The following BAZ2B variants were observed in gnomAD, a reference collection of about 807,000 sequenced individuals.
BAZ2B encodes the protein bromodomain adjacent to zinc finger domain 2B, also known as bromodomain adjacent to zinc finger domain protein 2B.
Under a neutral mutation model 246.0 loss-of-function variants are expected in BAZ2B, and 91 were observed. The ratio of observed to expected loss-of-function variants is 0.37; its 90% CI spans 0.31 to 0.44. The LOEUF is 0.44. BAZ2B is among the 20% of genes least tolerant of loss of function. BAZ2B has a pLI of 1.00. For missense variants in BAZ2B, 2,332 were observed against 2,533.7 expected (o/e 0.92, Z 1.71); for synonymous variants, 855 against 860.0 (o/e 0.99, Z 0.10).
intron 1 of BAZ2B, among the ~76,000 whole-genome samples, chr2:159,588,191 G>C (rs1688479107): frequency 6.9e-6 from 1 of 144,690 alleles, no homozygotes; most frequent in Non-Finnish European, 1.5e-5. Flanking sequence ...CTTCAGCCTG[G>C]GTGACAGACC....
At chr2:159,640,989 C>G in the BAZ2B span, among the ~76,000 whole-genome samples, 1 of 133,244 alleles carries the variant, frequency 7.5e-6, no homozygotes, top group Admixed American at 8.5e-5. Flanking sequence ...AATTGACAAA[C>G]CTTTAGACAA....
At chr2:159,467,697 T>A (rs199660643) in intron 3 of BAZ2B, among the ~76,000 whole-genome samples, 3 of 151,620 alleles carry the variant, frequency 2.0e-5, no homozygotes, top group Admixed American at 6.6e-5. Context: ...CTGGTAATGG[T>A]GGAGTGAGGT....
intron 2 of BAZ2B, among the ~76,000 whole-genome samples, chr2:159,534,073 T>G (rs1025938253): frequency 2.0e-5 from 3 of 152,236 alleles, no homozygotes; most frequent in African/African-American, 7.2e-5. Context: ...CAATGATTCC[T>G]CATAATTTCA....
At chr2:159,444,960 A>G (rs2074012991) in intron 6 of BAZ2B, 1 of 152,252 alleles carries the variant, frequency 6.6e-6, no homozygotes, top group Non-Finnish European at 1.5e-5. Context: ...ATTGGAGCAG[A>G]CTAAATCCAC....
chr2:159,390,720 T>G (rs1576448150), intron 20 of BAZ2B, among the ~76,000 whole-genome samples: 1 of 152,110 alleles, frequency 6.6e-6, no homozygotes, highest in East Asian at 1.9e-4. Context: ...GAGTGTAGGC[T>G]GCAAGTTGAA....
At chr2:159,570,856 C>CT (rs1174970685) in intron 1 of BAZ2B, among the ~76,000 whole-genome samples, 1 of 151,964 alleles carries the variant, frequency 6.6e-6, no homozygotes, top group African/African-American at 2.4e-5. Context: ...TTAGCATTTT[C>CT]TTTTTTTGTT....
At chr2:159,495,003 T>C (rs1031155836) in intron 2 of BAZ2B, among the ~76,000 whole-genome samples, 3 of 152,118 alleles carry the variant, frequency 2.0e-5, no homozygotes, top group Non-Finnish European at 4.4e-5. Context: ...CATTAGAAGA[T>C]GGTATTATAT....
chr2:159,569,705 A>C (rs1683482428), intron 1 of BAZ2B, among the ~76,000 whole-genome samples: 1 of 152,108 alleles, frequency 6.6e-6, no homozygotes, highest in Non-Finnish European at 1.5e-5. Flanking sequence ...CACACCTGTA[A>C]TCCCAGCACC....
At chr2:159,676,647 G>GCACACACA in the BAZ2B span, among the ~76,000 whole-genome samples, 18,767 of 132,456 alleles carry the variant, frequency 0.14, 1,642 homozygotes, top group African/African-American at 0.23. Context: ...GTATCTAAAT[G>GCACACACA]CACACACACA....
Position 159,409,184 on chromosome 2 carries a change from G to A in BAZ2B, c.2677+3151C>T, listed in dbSNP as rs114248346. On this transcript the variant is annotated intron_variant, in intron 14 of 36. Coordinates refer to ENST00000392783, the MANE Select transcript of BAZ2B (RefSeq NM_013450.4). ...TTTCAGATAGAATTAGAGATATTTTGGATATAACTCATTTCTTTGATCCTA... is the reference window on the plus strand; with the variant it reads ...TTTCAGATAGAATTAGAGATATTTTAGATATAACTCATTTCTTTGATCCTA... 5.9e-3 allele frequency among the ~76,000 whole-genome samples: 896 copies of A among 151,950 alleles called. 5 individuals carry two copies. Among genetic ancestry groups the A allele is most frequent in the African/African-American group, 0.02 (839 of 41,440 alleles).
chr2:159,680,190 T>A, the BAZ2B span, among the ~76,000 whole-genome samples: 1 of 152,184 alleles, frequency 6.6e-6, no homozygotes, highest in Non-Finnish European at 1.5e-5. Flanking sequence ...GAAAAAAGTA[T>A]AATCTTACAA....
chr2:159,589,895 T>C (rs931627479), intron 1 of BAZ2B, among the ~76,000 whole-genome samples: 12 of 152,020 alleles, frequency 7.9e-5, no homozygotes, highest in African/African-American at 2.7e-4. Context: ...GATTTAAGGA[T>C]ACCCAGCAAG....
At chr2:159,557,917 C>T (rs976201570) in intron 1 of BAZ2B, among the ~76,000 whole-genome samples, 9 of 150,752 alleles carry the variant, frequency 6.0e-5, no homozygotes, top group African/African-American at 2.2e-4. Context: ...ATTTGGGAAG[C>T]TTAAAAAAAA....
At chr2:159,690,152 GT>G in the BAZ2B span, 1 of 477,856 alleles carries the variant, frequency 2.1e-6, no homozygotes, top group Non-Finnish European at 3.8e-6. Flanking sequence ...ATCAGATGCA[GT>G]TTTGGTTCCT....
chr2:159,636,995 A>G, the BAZ2B span, among the ~76,000 whole-genome samples: 1 of 152,168 alleles, frequency 6.6e-6, no homozygotes, highest in Non-Finnish European at 1.5e-5. Flanking sequence ...GGGAAGATTC[A>G]TCACCTGCTG....
Position 159,436,405 on chromosome 2 carries a change from T to C in BAZ2B, c.1293+1898A>G, listed in dbSNP as rs369007220. On this transcript the variant is annotated intron_variant, in intron 8 of 36. Coordinates refer to ENST00000392783, the MANE Select transcript of BAZ2B (RefSeq NM_013450.4). ...TCAGGAGTGATGTGTAAAAAGGAGA[T>C]GGAGAGAAAATTGAGACCTGTATAG... Among the ~76,000 whole-genome samples, 13 of 152,284 alleles carry C rather than the reference T, an allele frequency of 8.5e-5. No individual in the cohort carries two copies. In the East Asian group the frequency reaches 2.1e-3, roughly 25 times the overall value.
At chr2:159,654,171 A>G in the BAZ2B span, among the ~76,000 whole-genome samples, 1 of 152,184 alleles carries the variant, frequency 6.6e-6, no homozygotes, top group South Asian at 2.1e-4. Flanking sequence ...ATATTGATCA[A>G]TAAAAAGATA....
chr2:159,323,644 A>G (rs1471826793), intron 36 of BAZ2B, among the ~76,000 whole-genome samples: 1 of 152,016 alleles, frequency 6.6e-6, no homozygotes, highest in Non-Finnish European at 1.5e-5. Context: ...TTATACTAAA[A>G]ATACAAAAAA....
In BAZ2B at chr2:159,453,801, C is replaced by A; in HGVS notation, c.146G>T (p.Gly49Val). ...ASLSSTINPC[G>V]HLFRTAGDQP... ...ATCCCCAGCTGTTCTGAATAAATGT[C>A]CTGGGAGGGAAAAAAACACACTTAA... Residue 49 changes from glycine to valine, a missense_variant and splice_region_variant, in exon 4 of 37, where the codon GGA becomes GTA. Physicochemically the swap from Gly to Val is moderately radical, Grantham distance 109 (BLOSUM62 -3). Transcript: ENST00000392783. The A allele has an allele frequency of 6.4e-7, 1 of 1,573,746 alleles. No homozygotes were observed. Among genetic ancestry groups the A allele is most frequent in the Non-Finnish European group, 8.6e-7 (1 of 1,158,610 alleles).
Sources: gnomAD v4.1 joint callset for allele counts (sites outside exome capture counted in the v4.1 genomes callset) on GRCh38, gnomAD v4.1.1 for gene constraint, MANE v1.5 for transcripts, NCBI Gene and HGNC (gene_info 2026-07-23, HGNC 2026-07-21) for gene names.